UTRN: variants seen among roughly 807,000 people sequenced by gnomAD.
UTRN encodes dystrophin-related protein 1.
In UTRN, 283 loss-of-function variants were observed where a neutral mutation model predicts 463.9. That is an observed-to-expected ratio of 0.61 (90% CI 0.55 to 0.67). The LOEUF (loss-of-function observed/expected upper bound fraction) is 0.67. UTRN is among the 30% of genes least tolerant of loss of function. UTRN has a pLI of 0.00. For missense variants in UTRN, 3,922 were observed against 4,084.3 expected (o/e 0.96, Z 1.08); for synonymous variants, 1,442 against 1,431.5 (o/e 1.01, Z -0.17).
intron 52 of UTRN, among the ~76,000 whole-genome samples, chr6:144,688,322 G>T (rs1382365448): frequency 2.0e-5 from 3 of 151,926 alleles, no homozygotes; most frequent in Non-Finnish European, 2.9e-5. Flanking sequence ...TCTTGTATCT[G>T]GTTGAGTAAC....
intron 45 of UTRN, among the ~76,000 whole-genome samples, chr6:144,540,341 T>C (rs1355987903): frequency 1.3e-5 from 2 of 152,208 alleles, no homozygotes; most frequent in African/African-American, 4.8e-5. Context: ...GATATGTCTC[T>C]GTCCTTGGTT....
At chr6:144,675,256 G>A (rs1227436154) in intron 51 of UTRN, among the ~76,000 whole-genome samples, 2 of 152,108 alleles carry the variant, frequency 1.3e-5, no homozygotes, top group South Asian at 2.1e-4. Context: ...CAGGGCTACC[G>A]GGCTCCAATC....
intron 69 of UTRN, among the ~76,000 whole-genome samples, chr6:144,829,734 G>A (rs1049911804): frequency 1.3e-5 from 2 of 151,242 alleles, no homozygotes; most frequent in Non-Finnish European, 3.0e-5. Flanking sequence ...ACTATGGAGA[G>A]TGCTAGGTTA....
At chr6:144,756,015 T>G (rs1791951451) in intron 57 of UTRN, among the ~76,000 whole-genome samples, 1 of 152,066 alleles carries the variant, frequency 6.6e-6, no homozygotes, top group South Asian at 2.1e-4. Context: ...GTTTTTCTGT[T>G]TCACAAACCT....
intron 27 of UTRN, 71 bp from the exon 28 acceptor site, chr6:144,485,314 A>T: frequency 1.3e-6 from 2 of 1,569,802 alleles, no homozygotes; most frequent in Non-Finnish European, 8.7e-7. Flanking sequence ...GCGATTAAAG[A>T]GAATGTGTAG....
chr6:144,673,097 T>C (rs1205933179), intron 51 of UTRN, among the ~76,000 whole-genome samples: 1 of 152,196 alleles, frequency 6.6e-6, no homozygotes, highest in African/African-American at 2.4e-5. Context: ...GCCTATCATA[T>C]GGTCTATCTT....
Position 144,831,153 on chromosome 6 carries a change from A to T in UTRN, c.9665+2298A>T, listed in dbSNP as rs545368278. 1.8e-4 allele frequency among the ~76,000 whole-genome samples: 28 copies of T among 152,276 alleles called. No individual in the cohort carries two copies. The South Asian group carries it at 5.4e-3, about 29-fold the overall frequency. ...AGAACATGATGAAGGCATTTGTGGT[A>T]AACAGAATGATGGCCCCCCAAAGAT... On this transcript the variant is annotated intron_variant, in intron 69 of 74. Transcript: ENST00000367545.
intron 51 of UTRN, among the ~76,000 whole-genome samples, chr6:144,635,580 C>T (rs1200007020): frequency 9.9e-6 from 1 of 101,382 alleles, no homozygotes; most frequent in Non-Finnish European, 1.9e-5. Context: ...TACTTTGTTA[C>T]CCAGGCTGGA....
At chr6:144,648,630 A>G (rs973809354) in intron 51 of UTRN, among the ~76,000 whole-genome samples, 4 of 152,184 alleles carry the variant, frequency 2.6e-5, no homozygotes, top group Admixed American at 1.3e-4. Flanking sequence ...GCAATTTATG[A>G]GTTAAGATGA....
At chr6:144,447,550 A>G in intron 15 of UTRN, 52 bp from the exon 16 acceptor site, 1 of 1,591,182 alleles carries the variant, frequency 6.3e-7, no homozygotes, top group Non-Finnish European at 8.5e-7. Context: ...TGGGGAACAG[A>G]AAGACAAAGT....
chr6:144,723,665 T>C (rs1025543786), intron 53 of UTRN, among the ~76,000 whole-genome samples: 3 of 152,252 alleles, frequency 2.0e-5, no homozygotes, highest in East Asian at 1.9e-4. Context: ...ACACACAGAA[T>C]GAGCTCTTAC....
rs150913840 is a variant in UTRN at position 144,366,372 on chromosome 6, G to T, written c.80-36751G>T. On this transcript the variant is annotated intron_variant, in intron 2 of 74. Transcript: ENST00000367545. ...CAGGTACTAGGCCTAATAGCCATTG[G>T]TTATTTTTCCTGATTGTCTCCTTCC... is the stretch of plus-strand genomic sequence containing the variant. 2.7e-3 allele frequency among the ~76,000 whole-genome samples: 418 copies of T among 152,250 alleles called. 3 individuals are homozygous for T. The highest frequency in any genetic ancestry group is 0.014 in the Middle Eastern group (4 of 294).
chr6:144,632,852 G>T (rs1159492534), intron 51 of UTRN, among the ~76,000 whole-genome samples: 1 of 151,740 alleles, frequency 6.6e-6, no homozygotes, highest in Non-Finnish European at 1.5e-5. Flanking sequence ...CTCTCAAGTA[G>T]CTGGGATTAT....
intron 16 of UTRN, 117 bp from the exon 17 acceptor site, chr6:144,448,483 A>C (rs1031125802): frequency 8.5e-7 from 1 of 1,180,038 alleles, no homozygotes; most frequent in East Asian, 2.4e-5. Context: ...ATACAACTGT[A>C]TAAATGTGCT....
intron 51 of UTRN, among the ~76,000 whole-genome samples, chr6:144,653,956 TTGTC>T (rs1779078387): frequency 6.6e-6 from 1 of 152,214 alleles, no homozygotes; most frequent in Non-Finnish European, 1.5e-5. Context: ...GCATAATACA[TTGTC>T]TGTGTTCACC....
intron 65 of UTRN, among the ~76,000 whole-genome samples, chr6:144,810,139 T>C (rs1317698047): frequency 6.6e-6 from 1 of 152,108 alleles, no homozygotes; most frequent in Non-Finnish European, 1.5e-5. Context: ...TTTTCAGTGA[T>C]AAGGATGTTT....
At chr6:144,302,184 T>C (rs1805339582) in intron 2 of UTRN, among the ~76,000 whole-genome samples, 1 of 152,306 alleles carries the variant, frequency 6.6e-6, no homozygotes, top group Admixed American at 6.5e-5. Context: ...TGCTAGCCTT[T>C]AGCTTAGTCT....
At chr6:144,656,714 A>G (rs1460621880) in intron 51 of UTRN, among the ~76,000 whole-genome samples, 3 of 152,138 alleles carry the variant, frequency 2.0e-5, no homozygotes, top group Non-Finnish European at 4.4e-5. Context: ...TGAGTAATAT[A>G]TTAGATATTT....
intron 41 of UTRN, among the ~76,000 whole-genome samples, chr6:144,530,408 G>A (rs1796939102): frequency 6.6e-6 from 1 of 152,114 alleles, no homozygotes. Flanking sequence ...CTATCTCTAA[G>A]TACAGTCACA....
Sources: gnomAD v4.1 joint callset for allele counts (sites outside exome capture counted in the v4.1 genomes callset) on GRCh38, gnomAD v4.1.1 for gene constraint, MANE v1.5 for transcripts, NCBI Gene and HGNC (gene_info 2026-07-23, HGNC 2026-07-21) for gene names.